Variants in SLC14A2 observed in about 807,000 individuals in gnomAD.
The protein encoded by SLC14A2 is solute carrier family 14 member 2.
A neutral mutation model predicts 104.6 loss-of-function variants in SLC14A2; 91 were observed. The observed-to-expected ratio is 0.87, with a 90% CI of 0.73 to 1.04. The LOEUF (loss-of-function observed/expected upper bound fraction) is 1.04, where lower values mean the gene tolerates loss of function less well. Among genes scored for constraint, SLC14A2 ranks in the 50% least tolerant of loss-of-function variants. SLC14A2 has a pLI of 0.00. For synonymous variants in SLC14A2, 476 were observed against 466.4 expected (o/e 1.02, Z -0.27); for missense variants, 1,189 against 1,156.0 (o/e 1.03, Z -0.41).
At chr18:45,343,265 A>G (rs1375504783) in intron 1 of SLC14A2, among the ~76,000 whole-genome samples, 1 of 151,342 alleles carries the variant, frequency 6.6e-6, no homozygotes, top group Non-Finnish European at 1.5e-5. Flanking sequence ...GAGACTCTGC[A>G]TCTGAAATGA....
chr18:45,498,736 GAAA>G (rs2043142636), intron 2 of SLC14A2, among the ~76,000 whole-genome samples: 1 of 151,932 alleles, frequency 6.6e-6, no homozygotes, highest in Non-Finnish European at 1.5e-5. Flanking sequence ...TTAAGGGAAA[GAAA>G]AAAAGAGAGA....
intron 1 of SLC14A2, among the ~76,000 whole-genome samples, chr18:45,230,474 A>G (rs1429251012): frequency 6.6e-6 from 1 of 152,096 alleles, no homozygotes; most frequent in Non-Finnish European, 1.5e-5. Flanking sequence ...TTCCATTGTC[A>G]TACCTCCCTC....
chr18:45,316,496 C>T (rs1211020038), intron 1 of SLC14A2, among the ~76,000 whole-genome samples: 1 of 152,174 alleles, frequency 6.6e-6, no homozygotes, highest in Non-Finnish European at 1.5e-5. Flanking sequence ...TGAAATCTAA[C>T]ATAGGAAATT....
intron 2 of SLC14A2, among the ~76,000 whole-genome samples, chr18:45,533,731 C>T (rs931910125): frequency 4.4e-4 from 67 of 151,986 alleles, no homozygotes; most frequent in Non-Finnish European, 8.1e-4. Flanking sequence ...TATTTCTTGC[C>T]TTCTGCTAGC....
chr18:45,532,132 C>T (rs1232747871), intron 2 of SLC14A2, among the ~76,000 whole-genome samples: 1 of 152,158 alleles, frequency 6.6e-6, no homozygotes, highest in African/African-American at 2.4e-5. Flanking sequence ...AGTCAGGTAG[C>T]ATGATGCCTC....
the SLC14A2 span, among the ~76,000 whole-genome samples, chr18:45,200,951 A>G: frequency 3.9e-5 from 6 of 152,102 alleles, no homozygotes; most frequent in Non-Finnish European, 7.4e-5. Context: ...GATCCTATCC[A>G]GGGTACCACA....
intron 1 of SLC14A2, among the ~76,000 whole-genome samples, chr18:45,292,406 T>A (rs2144169916): frequency 6.6e-6 from 1 of 152,344 alleles, no homozygotes; most frequent in East Asian, 1.9e-4. Context: ...TCATGGCAGT[T>A]GTGTTAGTGA....
chr18:45,665,305 C>T (rs1265813691), intron 11 of SLC14A2, among the ~76,000 whole-genome samples: 1 of 152,088 alleles, frequency 6.6e-6, no homozygotes, highest in Non-Finnish European at 1.5e-5. Context: ...CAGGAGGGAA[C>T]CAAAGCATCA....
intron 1 of SLC14A2, among the ~76,000 whole-genome samples, chr18:45,431,264 T>C (rs960035833): frequency 6.6e-6 from 1 of 152,076 alleles, no homozygotes; most frequent in Non-Finnish European, 1.5e-5. Context: ...ATTTTAAAAA[T>C]ATATTACACG....
chr18:45,231,303 A>G (rs1277886062), intron 1 of SLC14A2, among the ~76,000 whole-genome samples: 2 of 152,142 alleles, frequency 1.3e-5, no homozygotes, highest in Admixed American at 6.5e-5. Flanking sequence ...CCTGGGCTCA[A>G]GCTATCCTCT....
intron 1 of SLC14A2, among the ~76,000 whole-genome samples, chr18:45,234,959 T>G (rs1376382931): frequency 6.6e-6 from 1 of 152,094 alleles, no homozygotes; most frequent in Non-Finnish European, 1.5e-5. Flanking sequence ...AATAGCAAAG[T>G]GACTGTGCAG....
At chr18:45,391,539 C>G (rs1181264893) in intron 1 of SLC14A2, among the ~76,000 whole-genome samples, 4 of 152,144 alleles carry the variant, frequency 2.6e-5, no homozygotes, top group Non-Finnish European at 5.9e-5. Context: ...TACAGTCCCA[C>G]CAACAGTGTA....
intron 1 of SLC14A2, among the ~76,000 whole-genome samples, chr18:45,299,233 T>C (rs771079662): frequency 1.6e-4 from 24 of 152,208 alleles, no homozygotes; most frequent in Non-Finnish European, 3.4e-4. Flanking sequence ...AGAATCCCTT[T>C]CTTTTTAGAG....
At chr18:45,261,019 CTT>C (rs79986548) in intron 1 of SLC14A2, among the ~76,000 whole-genome samples, 3 of 147,288 alleles carry the variant, frequency 2.0e-5, no homozygotes, top group African/African-American at 5.0e-5. Flanking sequence ...CTCTTAATTT[CTT>C]TTTTTTTTTA....
At chr18:45,404,806 A>C (rs982945734) in intron 1 of SLC14A2, among the ~76,000 whole-genome samples, 2 of 152,172 alleles carry the variant, frequency 1.3e-5, no homozygotes, top group African/African-American at 4.8e-5. Flanking sequence ...GTGTGTGGAG[A>C]AAGTACAACT....
chr18:45,233,205 A>T (rs1002697464), intron 1 of SLC14A2, among the ~76,000 whole-genome samples: 2 of 152,204 alleles, frequency 1.3e-5, no homozygotes, highest in African/African-American at 4.8e-5. Flanking sequence ...ACCTGAGTGA[A>T]CATCTTCCTG....
At chr18:45,312,082 A>G (rs2085084619) in intron 1 of SLC14A2, among the ~76,000 whole-genome samples, 1 of 152,208 alleles carries the variant, frequency 6.6e-6, no homozygotes, top group African/African-American at 2.4e-5. Context: ...TCCTTGCTCC[A>G]TCCCTTACAA....
At chr18:45,605,348 A>G (rs926141160) in intron 2 of SLC14A2, among the ~76,000 whole-genome samples, 2 of 152,080 alleles carry the variant, frequency 1.3e-5, no homozygotes, top group African/African-American at 4.8e-5. Context: ...CACTTTGGGG[A>G]CCACTGGTTT....
chr18:45,607,454 CA>C, intron 2 of SLC14A2, among the ~76,000 whole-genome samples: 1 of 152,228 alleles, frequency 6.6e-6, no homozygotes, highest in Admixed American at 6.5e-5. Flanking sequence ...CAGTACCTAC[CA>C]CATAGTTGGT....
Sources: gnomAD v4.1 joint callset for allele counts (sites outside exome capture counted in the v4.1 genomes callset) on GRCh38, gnomAD v4.1.1 for gene constraint, MANE v1.5 for transcripts, NCBI Gene and HGNC (gene_info 2026-07-23, HGNC 2026-07-21) for gene names.